The following HMGN3 variants were observed in gnomAD, a reference collection of about 807,000 sequenced individuals.
The protein encoded by HMGN3 is high mobility group nucleosome-binding domain-containing protein 3.
A neutral mutation model predicts 18.8 loss-of-function variants in HMGN3; 6 were observed. That is an observed-to-expected ratio of 0.32 (90% CI 0.18 to 0.63). HMGN3 has a LOEUF of 0.63. HMGN3 is among the 30% of genes least tolerant of loss of function. HMGN3 has a pLI of 0.79. For synonymous variants in HMGN3, 40 were observed against 36.5 expected, an observed-to-expected ratio of 1.10 and a Z score of -0.35; for missense variants, 107 against 114.2, an observed-to-expected ratio of 0.94 and a Z score of 0.29.
intron 4 of HMGN3, 124 bp downstream of exon 4, chr6:79,203,456 G>A (rs369035852): frequency 6.3e-5 from 54 of 854,362 alleles, no homozygotes; most frequent in Middle Eastern, 4.6e-4. Context: ...AAGCAAGCCC[G>A]TAACAGTGGT....
At chr6:79,225,877 AAAT>A (rs1383677966) in intron 1 of HMGN3, among the ~76,000 whole-genome samples, 2 of 152,228 alleles carry the variant, frequency 1.3e-5, no homozygotes, top group African/African-American at 4.8e-5. Context: ...GCAGGATCAC[AAAT>A]AATAATGACT....
chr6:79,226,121 G>C (rs1363152774), intron 1 of HMGN3, among the ~76,000 whole-genome samples: 2 of 152,188 alleles, frequency 1.3e-5, no homozygotes, highest in African/African-American at 2.4e-5. Flanking sequence ...GTAAAAGAGG[G>C]CTTGGTTAGA....
rs1000081822 is a variant in HMGN3 at position 79,217,807 on chromosome 6, T to C, written c.16-2785A>G. On this transcript the variant is annotated intron_variant, in intron 1 of 5. Coordinates refer to ENST00000344726, the Ensembl canonical transcript of HMGN3. ...ACCCAAAGCTTTTTGTGCCAAGGGATTGCGAAGAATAAAAACATAGAAAGG... is the reference window on the plus strand; with the variant it reads ...ACCCAAAGCTTTTTGTGCCAAGGGACTGCGAAGAATAAAAACATAGAAAGG... Among the ~76,000 whole-genome samples, 11 of 152,282 alleles carry C rather than the reference T, an allele frequency of 7.2e-5. No homozygotes were observed. In the South Asian group the frequency reaches 2.1e-3, roughly 29 times the overall value.
At chr6:79,203,194 T>A (rs1040683362) in intron 4 of HMGN3, among the ~76,000 whole-genome samples, 2 of 152,158 alleles carry the variant, frequency 1.3e-5, no homozygotes, top group Non-Finnish European at 2.9e-5. Context: ...TTATTAGACC[T>A]CAGACTGGCC....
intron 1 of HMGN3, among the ~76,000 whole-genome samples, chr6:79,219,292 T>C (rs919869317): frequency 3.3e-5 from 5 of 152,270 alleles, no homozygotes; most frequent in Non-Finnish European, 5.9e-5. Context: ...TATGAAAATA[T>C]AGAGTACTAT....
chr6:79,208,104 A>T (rs1178728614), intron 3 of HMGN3, among the ~76,000 whole-genome samples: 1 of 152,182 alleles, frequency 6.6e-6, no homozygotes, highest in Non-Finnish European at 1.5e-5. Context: ...AATTATTACT[A>T]TTACAAAGAT....
At chr6:79,228,385 T>C (rs1777664538) in intron 1 of HMGN3, among the ~76,000 whole-genome samples, 1 of 152,234 alleles carries the variant, frequency 6.6e-6, no homozygotes, top group Admixed American at 6.5e-5. Context: ...CCTGCCATTT[T>C]GGAGCCTTTA....
At chr6:79,205,113 G>C (rs1426001689) in intron 3 of HMGN3, among the ~76,000 whole-genome samples, 2 of 152,196 alleles carry the variant, frequency 1.3e-5, no homozygotes, top group Non-Finnish European at 2.9e-5. Context: ...GATCTCAGTG[G>C]AAGGTGCTTA....
intron 3 of HMGN3, among the ~76,000 whole-genome samples, chr6:79,207,628 T>G (rs1281228847): frequency 6.6e-6 from 1 of 152,200 alleles, no homozygotes; most frequent in African/African-American, 2.4e-5. Context: ...GAGACTCACG[T>G]GAAACACTGG....
intron 2 of HMGN3, among the ~76,000 whole-genome samples, chr6:79,211,330 AT>A (rs934559356): frequency 6.6e-6 from 1 of 152,146 alleles, no homozygotes; most frequent in African/African-American, 2.4e-5. Flanking sequence ...TTATTGGACT[AT>A]ATTTATTGGA....
intron 1 of HMGN3, among the ~76,000 whole-genome samples, chr6:79,226,532 T>C (rs1230494357): frequency 6.6e-6 from 1 of 152,232 alleles, no homozygotes; most frequent in African/African-American, 2.4e-5. Flanking sequence ...TTATAGTATA[T>C]ACTTCTCTCG....
intron 2 of HMGN3, among the ~76,000 whole-genome samples, chr6:79,210,879 T>C (rs1776652510): frequency 6.6e-6 from 1 of 152,040 alleles, no homozygotes; most frequent in Non-Finnish European, 1.5e-5. Context: ...CTCTTTGGGA[T>C]TTCCAGAGAC....
At chr6:79,233,774 T>C (rs553543257) in intron 1 of HMGN3, 2 of 152,570 alleles carry the variant, frequency 1.3e-5, no homozygotes, top group Admixed American at 6.5e-5. Flanking sequence ...GAGGGGCGGA[T>C]AGCGCGCGGA....
At chr6:79,228,988 G>A (rs113875324) in intron 1 of HMGN3, among the ~76,000 whole-genome samples, 57 of 152,358 alleles carry the variant, frequency 3.7e-4, no homozygotes, top group African/African-American at 1.3e-3. Context: ...CAATTCAGTA[G>A]AGAAAGGATG....
At chr6:79,221,498 G>T (rs549845938) in intron 1 of HMGN3, among the ~76,000 whole-genome samples, 1 of 152,304 alleles carries the variant, frequency 6.6e-6, no homozygotes, top group Admixed American at 6.5e-5. Context: ...GAAGAAACTT[G>T]GAATTTTTAT....
chr6:79,214,971 C>A lies in HMGN3; in HGVS notation c.66+1G>T, dbSNP rs1776899726. 2 of 1,459,052 alleles carry A rather than the reference C, an allele frequency of 1.4e-6. No homozygotes were observed. The highest frequency in any genetic ancestry group is 2.3e-5 in the East Asian group (1 of 43,214). The allele number at this position is 1,459,052 out of a possible 1,614,324, so 90.4% of individuals were successfully genotyped here. On this transcript the variant is annotated splice_donor_variant, in intron 2 of 5. Transcript: ENST00000344726. LOFTEE classifies it high-confidence loss of function. ...ATATAGGATGTCAAAGATATACTTA[C>A]CTCCTGTTTAGTTACTTTGGATCCA...
chr6:79,229,310 G>C (rs985702128), intron 1 of HMGN3, among the ~76,000 whole-genome samples: 3 of 152,250 alleles, frequency 2.0e-5, no homozygotes, highest in African/African-American at 2.4e-5. Flanking sequence ...TATCTGATAA[G>C]GGACTTGTAT....
chr6:79,210,259 T>C (rs894318039), intron 2 of HMGN3, among the ~76,000 whole-genome samples: 4 of 152,128 alleles, frequency 2.6e-5, no homozygotes, highest in Non-Finnish European at 4.4e-5. Flanking sequence ...TTTCTGAGCA[T>C]AGAGGAGCAA....
At chr6:79,224,315 G>C (rs113769332) in intron 1 of HMGN3, among the ~76,000 whole-genome samples, 1 of 152,144 alleles carries the variant, frequency 6.6e-6, no homozygotes, top group Non-Finnish European at 1.5e-5. Context: ...ACTGGGTGCA[G>C]ATCTGGGATT....
Sources: gnomAD v4.1 joint callset for allele counts (sites outside exome capture counted in the v4.1 genomes callset) on GRCh38, gnomAD v4.1.1 for gene constraint, MANE v1.5 for transcripts, NCBI Gene and HGNC (gene_info 2026-07-23, HGNC 2026-07-21) for gene names.